Variants in DIP2C observed in about 807,000 individuals in gnomAD.
The protein encoded by DIP2C is DIP2 acetate--CoA ligase C (putative).
Under a neutral mutation model 192.4 loss-of-function variants are expected in DIP2C, and 33 were observed. The ratio of observed to expected loss-of-function variants is 0.17; its 90% CI spans 0.13 to 0.23. DIP2C has a LOEUF of 0.23. DIP2C is among the 10% of genes least tolerant of loss of function. The pLI, the probability that DIP2C is intolerant of heterozygous loss-of-function variation, is 1.00. For synonymous variants in DIP2C, 979 were observed against 864.1 expected, an observed-to-expected ratio of 1.13 and a Z score of -2.33; for missense variants, 1,537 against 2,110.1, an observed-to-expected ratio of 0.73 and a Z score of 5.32.
intron 18 of DIP2C, among the ~76,000 whole-genome samples, chr10:367,227 C>T (rs1960358918): frequency 6.6e-6 from 1 of 152,138 alleles, no homozygotes; most frequent in Admixed American, 6.5e-5. Context: ...ACCATCCTGG[C>T]TAACATGGTG....
chr10:441,020 C>T (rs199752672), intron 3 of DIP2C, 24 bp from the exon 4 acceptor site: 6 of 1,604,412 alleles, frequency 3.7e-6, no homozygotes, highest in Non-Finnish European at 5.1e-6. Context: ...AGCTCAGTCA[C>T]TCAGTGCTCA....
chr10:667,992 ACT>A (rs1374765385), intron 1 of DIP2C: 3 of 152,040 alleles, frequency 2.0e-5, no homozygotes, highest in Non-Finnish European at 2.9e-5. Context: ...CATGTACAAC[ACT>A]CATACAACAC....
At chr10:571,493 C>G (rs913245362) in intron 1 of DIP2C, among the ~76,000 whole-genome samples, 4 of 151,666 alleles carry the variant, frequency 2.6e-5, no homozygotes, top group African/African-American at 9.7e-5. Flanking sequence ...CCCATTCTCC[C>G]TCCCCCTTTC....
intron 4 of DIP2C, among the ~76,000 whole-genome samples, chr10:425,861 T>A (rs1179780260): frequency 6.6e-6 from 1 of 152,176 alleles, no homozygotes; most frequent in Non-Finnish European, 1.5e-5. Context: ...AGAAGGCAAT[T>A]TCCTCAACCT....
At chr10:325,265 A>C (rs1957224115) in intron 31 of DIP2C, among the ~76,000 whole-genome samples, 1 of 152,074 alleles carries the variant, frequency 6.6e-6, no homozygotes. Flanking sequence ...ACTCCATCTC[A>C]AAAACAAACA....
chr10:672,818 C>T (rs1241117535), intron 1 of DIP2C, among the ~76,000 whole-genome samples: 1 of 152,224 alleles, frequency 6.6e-6, no homozygotes, highest in Non-Finnish European at 1.5e-5. Flanking sequence ...AAACTAAACC[C>T]TGCCCAGCCT....
At chr10:411,392 A>G (rs576049496) in intron 8 of DIP2C, among the ~76,000 whole-genome samples, 4 of 152,234 alleles carry the variant, frequency 2.6e-5, no homozygotes, top group Admixed American at 1.3e-4. Context: ...CGGGTAGTCT[A>G]AAGTGGAAAA....
At chr10:561,241 T>A (rs1849199065) in intron 1 of DIP2C, among the ~76,000 whole-genome samples, 1 of 152,114 alleles carries the variant, frequency 6.6e-6, no homozygotes, top group East Asian at 1.9e-4. Flanking sequence ...CCTTACAGAG[T>A]TTGATTCTCT....
chr10:509,272 G>A (rs900601845), intron 1 of DIP2C, among the ~76,000 whole-genome samples: 8 of 152,276 alleles, frequency 5.3e-5, no homozygotes, highest in African/African-American at 1.4e-4. Context: ...AGGTATTCCC[G>A]CACGCACCGA....
chr10:439,206 G>A (rs543362269), intron 4 of DIP2C, among the ~76,000 whole-genome samples: 13 of 152,220 alleles, frequency 8.5e-5, no homozygotes, highest in African/African-American at 2.2e-4. Context: ...AAGGGAGCAC[G>A]TTGGCAGAAA....
intron 1 of DIP2C, among the ~76,000 whole-genome samples, chr10:575,667 C>G (rs1252200100): frequency 6.6e-6 from 1 of 152,156 alleles, no homozygotes; most frequent in South Asian, 2.1e-4. Flanking sequence ...GGAGCAGAGT[C>G]CAAGCTTGCT....
intron 31 of DIP2C, among the ~76,000 whole-genome samples, chr10:313,902 T>G (rs1956664729): frequency 6.6e-6 from 1 of 152,212 alleles, no homozygotes. Context: ...ACTGGTGATT[T>G]TACTATTCAG....
Position 589,664 on chromosome 10 carries a change from G to A in DIP2C, c.85+99830C>T, listed in dbSNP as rs139153063. Among the ~76,000 whole-genome samples the A allele has an allele frequency of 2.7e-3, 407 of 152,176 alleles. 1 individual carries two copies. The highest frequency in any genetic ancestry group is 0.01 in the Middle Eastern group (3 of 292). The stretch of plus-strand genomic sequence containing the variant: ...TGTGTCCCTCCTGAGCATAATTTAC[G>A]ACTTCAGTGGATGTCTCTTTGTGAA... On this transcript the variant is annotated intron_variant, in intron 1 of 36. Coordinates refer to ENST00000280886, the MANE Select transcript of DIP2C (RefSeq NM_014974.3).
intron 1 of DIP2C, among the ~76,000 whole-genome samples, chr10:607,768 T>C (rs570187973): frequency 5.7e-4 from 87 of 152,146 alleles, no homozygotes; most frequent in African/African-American, 1.6e-3. Context: ...TCAGAGACAA[T>C]GGAAACCTCT....
At chr10:467,526 T>A (rs1347646656) in intron 3 of DIP2C, among the ~76,000 whole-genome samples, 8 of 19,014 alleles carry the variant, frequency 4.2e-4, no homozygotes, top group Admixed American at 2.7e-3. Flanking sequence ...AAACTTAAAG[T>A]ATAAAAAAAA....
chr10:400,533 G>T (rs1263061562), intron 9 of DIP2C, among the ~76,000 whole-genome samples: 1 of 152,064 alleles, frequency 6.6e-6, no homozygotes, highest in Non-Finnish European at 1.5e-5. Flanking sequence ...ATTTTCATCA[G>T]CACATGAATC....
intron 29 of DIP2C, among the ~76,000 whole-genome samples, chr10:334,446 T>TA (rs1447238046): frequency 1.3e-5 from 2 of 152,198 alleles, no homozygotes; most frequent in African/African-American, 4.8e-5. Context: ...ACAAAAGTTT[T>TA]AAATTTTGTT....
chr10:384,178 T>G, intron 15 of DIP2C, 32 bp from the exon 16 acceptor site: 1 of 1,595,672 alleles, frequency 6.3e-7, no homozygotes, highest in Non-Finnish European at 8.5e-7. Context: ...AGTTAACATG[T>G]GCCACCGTCA....
chr10:303,216 CTT>C (rs1184741853), intron 32 of DIP2C, among the ~76,000 whole-genome samples: 2 of 151,940 alleles, frequency 1.3e-5, no homozygotes, highest in African/African-American at 2.4e-5. Flanking sequence ...CGGCTGTAGA[CTT>C]TGTAAAAACT....
Sources: gnomAD v4.1 joint callset for allele counts (sites outside exome capture counted in the v4.1 genomes callset) on GRCh38, gnomAD v4.1.1 for gene constraint, MANE v1.5 for transcripts, NCBI Gene and HGNC (gene_info 2026-07-23, HGNC 2026-07-21) for gene names.